Variants in CNGA1 observed in about 807,000 individuals in gnomAD.
The protein encoded by CNGA1 is cyclic nucleotide gated channel subunit alpha 1.
CNGA1 carries 53 observed loss-of-function variants against 69.7 expected under a neutral mutation model. The ratio of observed to expected loss-of-function variants is 0.76; its 90% confidence interval spans 0.61 to 0.96. The LOEUF is 0.96. Ranked by LOEUF, CNGA1 falls within the 40% of genes least tolerant of loss-of-function variation. CNGA1 has a pLI of 0.00. For missense variants in CNGA1, 739 were observed against 811.2 expected, an observed-to-expected ratio of 0.91 and a Z score of 1.08; for synonymous variants, 249 against 283.5, an observed-to-expected ratio of 0.88 and a Z score of 1.22.
In CNGA1 at chr4:47,937,734, T is replaced by A; in HGVS notation, c.748A>T (p.Ile250Leu). Residue 250 changes from isoleucine (I) to leucine (L), a missense_variant, in exon 11 of 11, where the codon ATA becomes TTA. By Grantham distance (5) the Ile-to-Leu change is conservative. Coordinates refer to ENST00000514170, the MANE Select transcript of CNGA1 (RefSeq NM_001379270.1). Reference sequence around the variant, plus strand: ...TTAAAATACAGCAAATCAGTTGGTATCAGTGACAGAACATCAAGTTTAAAT... The same window carrying A: ...TTAAAATACAGCAAATCAGTTGGTAACAGTGACAGAACATCAAGTTTAAAT... Reference protein sequence around the residue: ...LQFKLDVLSLIPTDLLYFKLG... With the variant: ...LQFKLDVLSLLPTDLLYFKLG... 3 of 1,613,970 alleles carry A rather than the reference T, an allele frequency of 1.9e-6. No homozygotes were observed. Among genetic ancestry groups the A allele is most frequent in the Non-Finnish European group, 2.5e-6 (3 of 1,179,894 alleles).
intron 2 of CNGA1, among the ~76,000 whole-genome samples, chr4:48,002,054 T>C (rs1458669510): frequency 6.6e-6 from 1 of 152,180 alleles, no homozygotes; most frequent in Non-Finnish European, 1.5e-5. Flanking sequence ...AAAGCAGTAT[T>C]TGGAGGCAAA....
At chr4:47,973,967 C>A (rs1370349046) in intron 3 of CNGA1, among the ~76,000 whole-genome samples, 1 of 151,464 alleles carries the variant, frequency 6.6e-6, no homozygotes, top group African/African-American at 2.4e-5. Context: ...TTGAGGCGGG[C>A]GGATCTTTTG....
chr4:47,970,155 C>T (rs1459981578), intron 3 of CNGA1, among the ~76,000 whole-genome samples: 2 of 152,158 alleles, frequency 1.3e-5, no homozygotes, highest in East Asian at 1.9e-4. Flanking sequence ...AGTAGCCAAA[C>T]TGTTAATACC....
chr4:47,964,286 G>A (rs1432404021), intron 3 of CNGA1, among the ~76,000 whole-genome samples: 1 of 152,084 alleles, frequency 6.6e-6, no homozygotes, highest in African/African-American at 2.4e-5. Flanking sequence ...AAAATTATAT[G>A]AGTAAAATAT....
chr4:47,979,598 G>A (rs1281517729), intron 3 of CNGA1, among the ~76,000 whole-genome samples: 1 of 152,150 alleles, frequency 6.6e-6, no homozygotes, highest in African/African-American at 2.4e-5. Context: ...TAGCGTTAGA[G>A]TAGGAACTAA....
In CNGA1 at chr4:47,947,628, C is replaced by T. The variant is rs184363959; in HGVS notation, c.287+2205G>A. Among the ~76,000 whole-genome samples, 655 of 152,178 alleles carry T rather than the reference C, an allele frequency of 4.3e-3. 1 individual carries two copies. The highest frequency in any genetic ancestry group is 7.7e-3 in the Non-Finnish European group (522 of 68,022). ...GAGGCTGCAGTGAGCCAAGATTGCA[C>T]CACTGCGCTCCAGCACAGGCAACTG... is the stretch of plus-strand genomic sequence containing the variant. On this transcript the variant is annotated intron_variant, in intron 6 of 10. Transcript: ENST00000514170.
chr4:47,994,411 C>T (rs1424208965), intron 2 of CNGA1, among the ~76,000 whole-genome samples: 1 of 152,088 alleles, frequency 6.6e-6, no homozygotes, highest in Admixed American at 6.6e-5. Context: ...TTGGACAAGG[C>T]CTTTTATCAT....
intron 2 of CNGA1, among the ~76,000 whole-genome samples, chr4:47,999,235 T>C (rs557004201): frequency 1.3e-5 from 2 of 152,346 alleles, no homozygotes; most frequent in East Asian, 1.9e-4. Flanking sequence ...AATTTTATCA[T>C]AGGCAAAAAT....
intron 5 of CNGA1, 101 bp from the exon 6 acceptor site, chr4:47,949,996 A>C (rs1739646866): frequency 4.3e-6 from 4 of 919,906 alleles, no homozygotes; most frequent in Non-Finnish European, 7.2e-6. Context: ...CTCCATTTCT[A>C]CTCATTACTA....
chr4:47,992,430 G>T (rs543978968), intron 2 of CNGA1, among the ~76,000 whole-genome samples: 4 of 146,622 alleles, frequency 2.7e-5, no homozygotes. Flanking sequence ...TGCAGCTATT[G>T]TAAAAAAAAG....
chr4:47,936,882 A>G lies in CNGA1; in HGVS notation c.1600T>C (p.Leu534=), dbSNP rs747824246. The change falls in exon 11 of 11, where the codon TTG becomes CTG. Residue 534 remains leucine (L), a synonymous_variant. Transcript: ENST00000514170. ...TCACCGAAGTAGCTGCCATCGCTCA[A>G]TACCACAAACTGAGTGACTCCATCA... The part of the protein sequence containing the change: ...ADDGVTQFVV[L]SDGSYFGEIS... 6 of 1,614,122 alleles carry G rather than the reference A, an allele frequency of 3.7e-6. No individual in the cohort carries two copies. In the East Asian group the frequency reaches 1.1e-4, roughly 30 times the overall value.
chr4:47,989,968 C>T (rs1207558956), intron 2 of CNGA1, among the ~76,000 whole-genome samples: 4 of 149,586 alleles, frequency 2.7e-5, no homozygotes, highest in Admixed American at 2.6e-4. Context: ...TTTCTTATGC[C>T]TGTCTTACTT....
chr4:47,984,689 C>CAT, intron 2 of CNGA1, among the ~76,000 whole-genome samples: 3 of 142,482 alleles, frequency 2.1e-5, no homozygotes, highest in Non-Finnish European at 4.5e-5. Flanking sequence ...CACACACACA[C>CAT]ACACATATAT....
chr4:47,937,699 C>G lies in CNGA1; in HGVS notation c.783G>C (p.Trp261Cys), dbSNP rs751530506. The stretch of plus-strand genomic sequence containing the variant: ...TGTTTAATCTAATTTCTGGATAGTT[C>G]CACCCTAACTTAAAATACAGCAAAT... The part of the protein sequence containing the change: ...PTDLLYFKLG[W>C]NYPEIRLNRL... The change falls in exon 11 of 11, where the codon TGG (tryptophan) becomes TGC (cysteine). Residue 261 changes from tryptophan (W) to cysteine (C), a missense_variant. By Grantham distance (215) the Trp-to-Cys change is radical (BLOSUM62 -2). Transcript: ENST00000514170. The G allele has an allele frequency of 1.9e-6, 3 of 1,614,022 alleles. No individual in the cohort carries two copies. In the Admixed American group the frequency reaches 5.0e-5, roughly 27 times the overall value.
intron 3 of CNGA1, among the ~76,000 whole-genome samples, chr4:47,963,634 A>C (rs10938511): frequency 0.53 from 80,107 of 151,580 alleles, 22,857 homozygotes; most frequent in Non-Finnish European, 0.64. Flanking sequence ...ATGACAATTT[A>C]TTCTATCAGT....
At position 47,993,186 on chromosome 4, in the gene CNGA1, G is replaced by T. The variant is rs569066935; in HGVS notation, c.-122-11686C>A. On this transcript the variant is annotated intron_variant, in intron 2 of 10. Coordinates refer to ENST00000514170, the MANE Select transcript of CNGA1 (RefSeq NM_001379270.1). ...TATCCTTTCCTGGTTTTGGTATTAG[G>T]TTGATGCTGGCTACATAGAATGATT... Among the ~76,000 whole-genome samples, 13 of 152,176 alleles carry T rather than the reference G, an allele frequency of 8.5e-5. No individual in the cohort carries two copies. The South Asian group carries it at 2.7e-3, about 32-fold the overall frequency.
At chr4:48,004,027 T>C (rs2109349036) in intron 2 of CNGA1, among the ~76,000 whole-genome samples, 1 of 152,374 alleles carries the variant, frequency 6.6e-6, no homozygotes, top group East Asian at 1.9e-4. Context: ...TCAGTGGTCA[T>C]GCTTCTAGTC....
rs963209042 is a variant in CNGA1 at position 47,967,744 on chromosome 4, C to T, written c.-15+13649G>A. On this transcript the variant is annotated intron_variant, in intron 3 of 10. Coordinates refer to ENST00000514170, the MANE Select transcript of CNGA1 (RefSeq NM_001379270.1). ...CTGTAATCCCAGCACTTTGGGAGGC[C>T]GAGGTGGGCGGATCACAAGGTCAGG... 2.6e-5 allele frequency among the ~76,000 whole-genome samples: 4 copies of T among 152,020 alleles called. No individual in the cohort carries two copies. In the East Asian group the frequency reaches 5.8e-4, roughly 22 times the overall value.
rs564476938 is a variant in CNGA1 at position 48,012,403 on chromosome 4, G to A, written c.-222-1510C>T. 5.3e-5 allele frequency among the ~76,000 whole-genome samples: 8 copies of A among 152,162 alleles called. No homozygotes were observed. The East Asian group carries it at 5.8e-4, about 11-fold the overall frequency. Reference sequence around the variant, plus strand: ...AAACAAAGGCACAACCTTAGCTATCGGGTGGGACCTTAGCAGTGTGGGAGG... The same window carrying A: ...AAACAAAGGCACAACCTTAGCTATCAGGTGGGACCTTAGCAGTGTGGGAGG... On this transcript the variant is annotated intron_variant, in intron 1 of 10. Transcript: ENST00000514170.
Sources: gnomAD v4.1 joint callset for allele counts (sites outside exome capture counted in the v4.1 genomes callset) on GRCh38, gnomAD v4.1.1 for gene constraint, MANE v1.5 for transcripts, NCBI Gene and HGNC (gene_info 2026-07-23, HGNC 2026-07-21) for gene names.